CDH8: variants seen among roughly 807,000 people sequenced by gnomAD.
CDH8 encodes the protein cadherin 8, also known as cadherin-8.
CDH8 carries 17 observed loss-of-function variants against 68.1 expected under a neutral mutation model. That is an observed-to-expected ratio of 0.25 (90% confidence interval 0.17 to 0.37). The LOEUF is 0.37. Among genes scored for constraint, CDH8 ranks in the 10% least tolerant of loss-of-function variants. The pLI, the probability that CDH8 is intolerant of heterozygous loss-of-function variation, is 1.00. For missense variants in CDH8, 763 were observed against 999.3 expected (o/e 0.76, Z 3.19); for synonymous variants, 372 against 365.1 (o/e 1.02, Z -0.21).
intron 2 of CDH8, among the ~76,000 whole-genome samples, chr16:62,010,545 G>A (rs759408105): frequency 4.3e-4 from 66 of 152,182 alleles, no homozygotes; most frequent in Admixed American, 1.2e-3. Context: ...TTTATCAGGG[G>A]ATTGATGTGA....
At chr16:61,789,593 G>A in intron 7 of CDH8, 111 bp from the exon 8 acceptor site, 1 of 993,604 alleles carries the variant, frequency 1.0e-6, no homozygotes, top group African/African-American at 1.7e-5. Context: ...CAAATGAATT[G>A]GGAAACTCAG....
chr16:62,032,945 T>C (rs1902362650), intron 1 of CDH8, among the ~76,000 whole-genome samples: 1 of 152,196 alleles, frequency 6.6e-6, no homozygotes, highest in African/African-American at 2.4e-5. Flanking sequence ...TTTTAATATG[T>C]GCATGTTCTT....
chr16:61,852,852 C>CCCTTCCTTCCTTCCTT (rs138549766), intron 4 of CDH8, among the ~76,000 whole-genome samples: 2,098 of 133,126 alleles, frequency 0.016, 49 homozygotes, highest in East Asian at 0.03. Flanking sequence ...CCTGACTCTG[C>CCCTTCCTTCCTTCCTT]CCTTCCTTCC....
At chr16:61,876,239 T>C (rs139286705) in intron 3 of CDH8, among the ~76,000 whole-genome samples, 66 of 152,308 alleles carry the variant, frequency 4.3e-4, no homozygotes, top group African/African-American at 1.5e-3. Context: ...TCATGCTAAT[T>C]GTACTTTTTT....
chr16:61,963,033 A>T (rs1044026578), intron 2 of CDH8, among the ~76,000 whole-genome samples: 2 of 152,148 alleles, frequency 1.3e-5, no homozygotes, highest in Non-Finnish European at 2.9e-5. Context: ...TTACCTTAAA[A>T]TTTTTCCTGT....
At chr16:61,921,592 TG>T (rs1243818901) in intron 2 of CDH8, among the ~76,000 whole-genome samples, 1 of 152,238 alleles carries the variant, frequency 6.6e-6, no homozygotes. Context: ...TATGATTTTT[TG>T]ATACTGTATA....
At chr16:61,968,105 CTA>C (rs1965283908) in intron 2 of CDH8, among the ~76,000 whole-genome samples, 2 of 152,138 alleles carry the variant, frequency 1.3e-5, no homozygotes, top group Admixed American at 6.5e-5. Flanking sequence ...CGGGCTGGGC[CTA>C]GAGATCATTA....
In CDH8 at chr16:61,901,234, T is replaced by G; in HGVS notation, c.492A>C (p.Ala164=). 6.2e-7 allele frequency: 1 copy of G among 1,614,042 alleles called. No homozygotes were observed. The highest frequency in any genetic ancestry group is 8.5e-7 in the Non-Finnish European group (1 of 1,179,948). ...GATAGGGTCCATTAAGAAACTCTGG[T>G]GCATTGTCATTGATGTCTTGAACTT... ...IIKVQDINDN[A]PEFLNGPYHA... Residue 164 remains alanine (A), a synonymous_variant, in exon 3 of 12, where the codon GCA becomes GCC. Coordinates refer to ENST00000577390, the MANE Select transcript of CDH8 (RefSeq NM_001796.5).
At chr16:61,721,628 G>A (rs1026417655) in intron 9 of CDH8, among the ~76,000 whole-genome samples, 1 of 147,990 alleles carries the variant, frequency 6.8e-6, no homozygotes, top group Non-Finnish European at 1.5e-5. Flanking sequence ...GAATGTCATT[G>A]GTCACAGGAA....
intron 2 of CDH8, among the ~76,000 whole-genome samples, chr16:61,952,752 T>C (rs1368769272): frequency 6.6e-6 from 1 of 152,166 alleles, no homozygotes; most frequent in Non-Finnish European, 1.5e-5. Context: ...CTATGGGCAA[T>C]AAAAAATAAT....
intron 3 of CDH8, among the ~76,000 whole-genome samples, chr16:61,882,430 G>A (rs949930244): frequency 6.6e-6 from 1 of 152,194 alleles, no homozygotes; most frequent in African/African-American, 2.4e-5. Flanking sequence ...AGCCCCCGCA[G>A]TTGTGTTGAC....
intron 2 of CDH8, among the ~76,000 whole-genome samples, chr16:61,906,124 G>A (rs1964056937): frequency 6.6e-6 from 1 of 151,960 alleles, no homozygotes; most frequent in Non-Finnish European, 1.5e-5. Context: ...CAAGATACAG[G>A]GTATGGATTT....
rs549426846 is a variant in CDH8 at position 61,846,896 on chromosome 16, C to T, written c.667+10223G>A. Reference sequence around the variant, plus strand: ...AGACACAAAGCATCTAAAGAGAAAACACTAGTGAAATGTTATGAGCTAGTC... The same window carrying T: ...AGACACAAAGCATCTAAAGAGAAAATACTAGTGAAATGTTATGAGCTAGTC... On this transcript the variant is annotated intron_variant, in intron 4 of 11. Coordinates refer to ENST00000577390, the MANE Select transcript of CDH8 (RefSeq NM_001796.5). 9.2e-5 allele frequency among the ~76,000 whole-genome samples: 14 copies of T among 152,166 alleles called. 1 individual carries two copies. Among genetic ancestry groups the T allele is most frequent in the Admixed American group, 9.2e-4 (14 of 15,250 alleles).
At chr16:61,791,626 G>T (rs1417759697) in intron 7 of CDH8, among the ~76,000 whole-genome samples, 1 of 151,924 alleles carries the variant, frequency 6.6e-6, no homozygotes, top group Non-Finnish European at 1.5e-5. Context: ...CAGTAAACAA[G>T]AATCAGTCTG....
At chr16:61,659,734 C>A (rs112227519) in intron 10 of CDH8, among the ~76,000 whole-genome samples, 4 of 152,238 alleles carry the variant, frequency 2.6e-5, no homozygotes, top group African/African-American at 9.6e-5. Flanking sequence ...ATGCCATAAT[C>A]TTCACACCAG....
intron 3 of CDH8, among the ~76,000 whole-genome samples, chr16:61,870,968 T>C (rs1254198411): frequency 6.6e-6 from 1 of 152,208 alleles, no homozygotes; most frequent in Non-Finnish European, 1.5e-5. Flanking sequence ...GACTAAATTA[T>C]ATTCAAATCA....
chr16:62,025,398 T>C (rs1156714733), intron 1 of CDH8, among the ~76,000 whole-genome samples: 1 of 151,826 alleles, frequency 6.6e-6, no homozygotes, highest in East Asian at 1.9e-4. Flanking sequence ...ATGTTTGATT[T>C]CTCCAAAGGT....
In CDH8 at chr16:61,712,223, A is replaced by C. The variant is rs567735701; in HGVS notation, c.1654+1618T>G. The stretch of plus-strand genomic sequence containing the variant: ...ATAAAATTCATTTATTGTAGAATTA[A>C]ATCTCCTGTTTAAAAATATTAAGGC... On this transcript the variant is annotated intron_variant, in intron 10 of 11. Coordinates refer to ENST00000577390, the MANE Select transcript of CDH8 (RefSeq NM_001796.5). Among the ~76,000 whole-genome samples the C allele has an allele frequency of 5.3e-5, 8 of 151,854 alleles. No homozygotes were observed. The South Asian group carries it at 1.0e-3, about 20-fold the overall frequency.
rs1963268022 is a variant in CDH8 at position 61,649,163 on chromosome 16, A to G, written c.*4445T>C. On this transcript the variant is annotated 3_prime_UTR_variant, in exon 12 of 12. Transcript: ENST00000577390. ...CCACAAAAAAATACAATGACATTTA[A>G]AAAGTCTAAGTACAGCCTCACAACG... The G allele has an allele frequency of 6.6e-6, 1 of 152,008 alleles. No individual in the cohort carries two copies. The highest frequency in any genetic ancestry group is 1.5e-5 in the Non-Finnish European group (1 of 67,952). 9.4% of individuals were successfully genotyped at this position (152,008 alleles called of 1,614,324 possible). A position where few individuals can be genotyped will look rare whatever the true frequency, so the allele number is the denominator to read the frequency against.
Sources: allele counts gnomAD v4.1 joint callset (sites outside exome capture counted in the v4.1 genomes callset), GRCh38; gene constraint gnomAD v4.1.1; transcripts MANE v1.5; gene names NCBI Gene and HGNC (gene_info 2026-07-23, HGNC 2026-07-21).